The following KLHL1 variants were observed in gnomAD, a reference collection of about 807,000 sequenced individuals.
KLHL1 encodes the protein kelch like family member 1.
In KLHL1, 47 loss-of-function variants were observed where a neutral mutation model predicts 77.7. That is an observed-to-expected ratio of 0.60 (90% CI 0.48 to 0.77). The LOEUF is 0.77. KLHL1 is among the 30% of genes least tolerant of loss of function. KLHL1 has a pLI of 0.00. For missense variants in KLHL1, 925 were observed against 910.8 expected (o/e 1.02, Z -0.20); for synonymous variants, 360 against 325.2 (o/e 1.11, Z -1.15).
At chr13:69,722,400 A>AAATCATGAAGAAATATGAAATCG in intron 8 of KLHL1, among the ~76,000 whole-genome samples, 1 of 152,128 alleles carries the variant, frequency 6.6e-6, no homozygotes, top group African/African-American at 2.4e-5. Flanking sequence ...TACCAAGACT[A>AAATCATGAAGAAATATGAAATCG]AATCATGAAG....
At chr13:70,020,410 T>C (rs1362439221) in intron 1 of KLHL1, among the ~76,000 whole-genome samples, 1 of 152,166 alleles carries the variant, frequency 6.6e-6, no homozygotes, top group African/African-American at 2.4e-5. Context: ...TCATATATTT[T>C]ACATTATTTC....
At chr13:69,982,251 CG>C (rs1204228014) in intron 1 of KLHL1, among the ~76,000 whole-genome samples, 2 of 151,336 alleles carry the variant, frequency 1.3e-5, no homozygotes, top group African/African-American at 4.9e-5. Flanking sequence ...CTGGGCAACA[CG>C]GTGAAACCCT....
Position 69,961,406 on chromosome 13 carries a change from A to G in KLHL1, c.719T>C (p.Met240Thr), listed in dbSNP as rs772917545. The G allele has an allele frequency of 1.2e-6, 2 of 1,612,956 alleles. No individual in the cohort carries two copies. The highest frequency in any genetic ancestry group is 1.7e-6 in the Non-Finnish European group (2 of 1,179,392). ...GGCTTCACAAACATCACTTGTAAAC[A>G]TGGCCGCAAAATAGTCGGAGACTGA... ...LSSVSDYFAA[M>T]FTSDVCEAKQ... The change falls in exon 3 of 11, where the codon ATG (methionine) becomes ACG (threonine). Residue 240 changes from methionine (M) to threonine (T), a missense_variant. Met to Thr is a moderately conservative substitution (Grantham distance 81). Coordinates refer to ENST00000377844, the MANE Select transcript of KLHL1 (RefSeq NM_020866.3).
intron 4 of KLHL1, among the ~76,000 whole-genome samples, chr13:69,929,457 G>T (rs1008213193): frequency 2.6e-5 from 4 of 151,836 alleles, no homozygotes; most frequent in African/African-American, 7.2e-5. Context: ...ATTAAAAGGG[G>T]TAGCCTAGAC....
At chr13:69,847,339 C>T (rs995401186) in intron 5 of KLHL1, among the ~76,000 whole-genome samples, 2 of 148,964 alleles carry the variant, frequency 1.3e-5, no homozygotes, top group African/African-American at 5.0e-5. Flanking sequence ...ATACAGTTCA[C>T]ATCCAGAAAT....
intron 1 of KLHL1, among the ~76,000 whole-genome samples, chr13:70,039,007 A>G (rs1378527172): frequency 6.7e-6 from 1 of 148,586 alleles, no homozygotes; most frequent in East Asian, 2.0e-4. Flanking sequence ...CCATTTTTAT[A>G]TCTTTTCATG....
At chr13:70,017,367 TCCAGACA>T (rs1312432700) in intron 1 of KLHL1, among the ~76,000 whole-genome samples, 1 of 152,184 alleles carries the variant, frequency 6.6e-6, no homozygotes, top group Admixed American at 6.5e-5. Context: ...ATTCTCCTCA[TCCAGACA>T]CAATTGCCCA....
intron 8 of KLHL1, 138 bp from the exon 9 acceptor site, chr13:69,719,719 T>A: frequency 1.6e-6 from 1 of 635,578 alleles, no homozygotes; most frequent in Non-Finnish European, 2.7e-6. Flanking sequence ...GAGATTTTGT[T>A]AAAGATACTC....
chr13:69,945,252 C>T (rs146243978), intron 3 of KLHL1, among the ~76,000 whole-genome samples: 1,680 of 151,766 alleles, frequency 0.011, 31 homozygotes, highest in African/African-American at 0.037. Flanking sequence ...GGATTACATG[C>T]GTGAGCCACT....
intron 1 of KLHL1, among the ~76,000 whole-genome samples, chr13:70,032,428 T>G (rs1461792446): frequency 6.6e-6 from 1 of 152,130 alleles, no homozygotes; most frequent in Non-Finnish European, 1.5e-5. Context: ...CAGAAAACAA[T>G]GACGGAGCAA....
intron 5 of KLHL1, among the ~76,000 whole-genome samples, chr13:69,869,053 A>G (rs1880480464): frequency 6.6e-6 from 1 of 152,144 alleles, no homozygotes; most frequent in Admixed American, 6.5e-5. Context: ...AACGGCAGCT[A>G]GAAAATATCG....
chr13:69,923,972 C>T (rs908299360), intron 4 of KLHL1, among the ~76,000 whole-genome samples: 6 of 152,204 alleles, frequency 3.9e-5, no homozygotes, highest in Non-Finnish European at 2.9e-5. Context: ...TTCCTACTCC[C>T]GGCACCTGCT....
In KLHL1 at chr13:69,780,611, T is replaced by C. The variant is rs369181327; in HGVS notation, c.1639+16127A>G. On this transcript the variant is annotated intron_variant, in intron 7 of 10. Transcript: ENST00000377844. Reference sequence around the variant, plus strand: ...TTTTTTCAGTCTGTCTATTCATTACTCATTGTTATATATATGGTTTTTAAA... The same window carrying C: ...TTTTTTCAGTCTGTCTATTCATTACCCATTGTTATATATATGGTTTTTAAA... Among the ~76,000 whole-genome samples, 16 of 148,654 alleles carry C rather than the reference T, an allele frequency of 1.1e-4. 1 individual carries two copies. The South Asian group carries it at 3.2e-3, about 30-fold the overall frequency.
intron 1 of KLHL1, among the ~76,000 whole-genome samples, chr13:70,021,710 A>G (rs1885800487): frequency 6.6e-6 from 1 of 152,084 alleles, no homozygotes; most frequent in South Asian, 2.1e-4. Flanking sequence ...AGGTGCCTCA[A>G]GTGAAGCCCC....
chr13:69,987,005 G>GAGT (rs1884888986), intron 1 of KLHL1, among the ~76,000 whole-genome samples: 1 of 151,376 alleles, frequency 6.6e-6, no homozygotes, highest in African/African-American at 2.4e-5. Context: ...TTTAGATCAT[G>GAGT]AACAAGATAA....
intron 5 of KLHL1, among the ~76,000 whole-genome samples, chr13:69,881,287 C>A (rs1297403810): frequency 6.6e-6 from 1 of 151,864 alleles, no homozygotes; most frequent in Non-Finnish European, 1.5e-5. Context: ...GACCATAAAT[C>A]CCACTTCTAC....
At chr13:69,839,950 T>C (rs568235442) in intron 5 of KLHL1, among the ~76,000 whole-genome samples, 1 of 151,986 alleles carries the variant, frequency 6.6e-6, no homozygotes, top group African/African-American at 2.4e-5. Context: ...TTTTAATGGA[T>C]CCTGTTTCAC....
At chr13:69,985,950 T>C (rs965233538) in intron 1 of KLHL1, among the ~76,000 whole-genome samples, 1 of 149,434 alleles carries the variant, frequency 6.7e-6, no homozygotes. Flanking sequence ...TTTAAAGTAA[T>C]ATCCTCCAGG....
rs376193296 is a variant in KLHL1, at chr13:69,796,482, C to T, written c.1639+256G>A. Among the ~76,000 whole-genome samples, 9 of 152,096 alleles carry T rather than the reference C, an allele frequency of 5.9e-5. No homozygotes were observed. The East Asian group carries it at 1.7e-3, about 29-fold the overall frequency. ...CCTGTCTCTCTTGCTTCCTGTGTAA[C>T]CATGTGATCTCTGAATGCATGGCCT... is the stretch of plus-strand genomic sequence containing the variant. On this transcript the variant is annotated intron_variant, in intron 7 of 10. Coordinates refer to ENST00000377844, the MANE Select transcript of KLHL1 (RefSeq NM_020866.3).
Sources: allele counts gnomAD v4.1 joint callset (sites outside exome capture counted in the v4.1 genomes callset), GRCh38; gene constraint gnomAD v4.1.1; transcripts MANE v1.5; gene names NCBI Gene and HGNC (gene_info 2026-07-23, HGNC 2026-07-21).